Variants in TDP1 observed in about 807,000 individuals in gnomAD.
TDP1 encodes tyr-DNA phosphodiesterase 1.
TDP1 carries 64 observed loss-of-function variants against 81.5 expected under a neutral mutation model. The observed-to-expected ratio is 0.79, with a 90% CI of 0.64 to 0.97. The LOEUF (loss-of-function observed/expected upper bound fraction) is 0.97, where lower values mean the gene tolerates loss of function less well. Among genes scored for constraint, TDP1 ranks in the 50% least tolerant of loss-of-function variants. TDP1 has a pLI of 0.00. For synonymous variants in TDP1, 256 were observed against 264.3 expected, an observed-to-expected ratio of 0.97 and a Z score of 0.30; for missense variants, 723 against 743.8, an observed-to-expected ratio of 0.97 and a Z score of 0.33.
chr14:89,996,628 G>GGTCAT (rs1896671897), intron 14 of TDP1, among the ~76,000 whole-genome samples: 1 of 152,156 alleles, frequency 6.6e-6, no homozygotes, highest in African/African-American at 2.4e-5. Flanking sequence ...TAGATGAGAT[G>GGTCAT]GTCATGTCTA....
intron 16 of TDP1, among the ~76,000 whole-genome samples, chr14:90,038,408 A>T (rs1426397582): frequency 6.6e-6 from 1 of 152,222 alleles, no homozygotes; most frequent in Non-Finnish European, 1.5e-5. Context: ...CTACTTTCAG[A>T]TAGTAGCAGA....
rs34629671 is a variant in TDP1 at position 90,034,813 on chromosome 14, C to G, written c.1753+1599C>G. Among the ~76,000 whole-genome samples the G allele has an allele frequency of 6.0e-3, 918 of 152,292 alleles. 4 individuals carry two copies. Among genetic ancestry groups the G allele is most frequent in the African/African-American group, 0.021 (888 of 41,556 alleles). On this transcript the variant is annotated intron_variant, in intron 16 of 16. Coordinates refer to ENST00000335725, the MANE Select transcript of TDP1 (RefSeq NM_018319.4). ...ATCACTCATTGATACCCCAAAATCT[C>G]CAGTTCTTACCAAGCTTGGCCTTGC...
At chr14:89,972,327 C>T (rs758304843) in intron 6 of TDP1, among the ~76,000 whole-genome samples, 2 of 152,058 alleles carry the variant, frequency 1.3e-5, no homozygotes, top group Non-Finnish European at 2.9e-5. Context: ...ATCAAACAAC[C>T]AGATATCATG....
At chr14:90,024,034 C>T (rs1408141053) in intron 15 of TDP1, among the ~76,000 whole-genome samples, 1 of 152,156 alleles carries the variant, frequency 6.6e-6, no homozygotes, top group East Asian at 1.9e-4. Context: ...ACTGCCATGG[C>T]CCCCACTTCA....
chr14:90,011,017 C>T (rs1424172417), intron 14 of TDP1, among the ~76,000 whole-genome samples: 1 of 152,110 alleles, frequency 6.6e-6, no homozygotes, highest in Admixed American at 6.5e-5. Context: ...GTAATTCAGT[C>T]ATGGGGGTGG....
At chr14:89,972,264 A>G (rs1332789877) in intron 6 of TDP1, among the ~76,000 whole-genome samples, 1 of 149,226 alleles carries the variant, frequency 6.7e-6, no homozygotes, top group African/African-American at 2.5e-5. Flanking sequence ...AAGCAGGCAC[A>G]TCTTACTTGG....
At chr14:90,014,981 T>G (rs1191886516) in intron 14 of TDP1, among the ~76,000 whole-genome samples, 3 of 152,148 alleles carry the variant, frequency 2.0e-5, no homozygotes, top group African/African-American at 7.2e-5. Context: ...GTGGTAAACC[T>G]CCAGTGAAAC....
chr14:90,019,857 A>G (rs1302162702), intron 15 of TDP1, among the ~76,000 whole-genome samples: 1 of 152,120 alleles, frequency 6.6e-6, no homozygotes, highest in African/African-American at 2.4e-5. Flanking sequence ...TGTAGGCTGT[A>G]TAGAGAGAGG....
intron 16 of TDP1, among the ~76,000 whole-genome samples, chr14:90,040,932 C>G (rs1312473598): frequency 6.6e-6 from 1 of 152,174 alleles, no homozygotes. Context: ...AGCAGAGCTA[C>G]AGGGAATTTG....
chr14:89,973,734 G>A (rs1401824385), intron 6 of TDP1, among the ~76,000 whole-genome samples: 1 of 151,996 alleles, frequency 6.6e-6, no homozygotes, highest in African/African-American at 2.4e-5. Flanking sequence ...TAGTCTGCTT[G>A]GGTGCTATAA....
chr14:90,039,927 G>A (rs1392869551), intron 16 of TDP1, among the ~76,000 whole-genome samples: 1 of 152,082 alleles, frequency 6.6e-6, no homozygotes. Context: ...ACTTGGTCAA[G>A]GCCCCACTGG....
chr14:89,991,750 T>G, intron 12 of TDP1, 167 bp from the exon 13 acceptor site: 1 of 772,618 alleles, frequency 1.3e-6, no homozygotes, highest in Non-Finnish European at 1.6e-6. Flanking sequence ...AGAACATATC[T>G]AGTGCAACTA....
At chr14:89,998,372 T>TTATATATATATATATATATATA (rs58264054) in intron 14 of TDP1, among the ~76,000 whole-genome samples, 3 of 53,146 alleles carry the variant, frequency 5.6e-5, no homozygotes, top group East Asian at 3.8e-4. Context: ...TCCAAGCACA[T>TTATATATATATATATATATATA]TATATATATA....
intron 14 of TDP1, among the ~76,000 whole-genome samples, chr14:90,002,987 G>T (rs1484824863): frequency 6.6e-6 from 1 of 152,054 alleles, no homozygotes; most frequent in Non-Finnish European, 1.5e-5. Flanking sequence ...ACCCAGGCTG[G>T]AGTGCAGTGG....
intron 15 of TDP1, among the ~76,000 whole-genome samples, chr14:90,031,926 T>C (rs1415017813): frequency 6.6e-6 from 1 of 152,232 alleles, no homozygotes; most frequent in Non-Finnish European, 1.5e-5. Context: ...TGGCACTCCT[T>C]TGCTTTTCTT....
intron 15 of TDP1, among the ~76,000 whole-genome samples, chr14:90,025,199 G>C (rs1205483378): frequency 6.6e-6 from 1 of 152,180 alleles, no homozygotes; most frequent in African/African-American, 2.4e-5. Flanking sequence ...GAATCCTGCA[G>C]TTCTCTACTT....
In TDP1 at chr14:89,984,500, ATTTT is replaced by A. The variant is rs1228927946; in HGVS notation, c.885-12_885-9del. ...GTTGTGTGCCTGACTGTTAAAGGTTATTTTTTTAATTCCAGAATATGGTTGAGCC... is the reference window on the plus strand; with the variant it reads ...GTTGTGTGCCTGACTGTTAAAGGTTATTTAATTCCAGAATATGGTTGAGCC... On this transcript the variant is annotated splice_polypyrimidine_tract_variant and intron_variant, in intron 8 of 16. Transcript: ENST00000335725. 1.2e-6 allele frequency: 2 copies of A among 1,613,980 alleles called. No individual in the cohort carries two copies. The highest frequency in any genetic ancestry group is 1.7e-6 in the Non-Finnish European group (2 of 1,180,000).
intron 6 of TDP1, 67 bp downstream of exon 6, chr14:89,971,338 C>A: frequency 8.6e-7 from 1 of 1,168,826 alleles, no homozygotes; most frequent in Non-Finnish European, 1.3e-6. Flanking sequence ...GACATTTAGT[C>A]CACCCTCTCA....
chr14:90,006,810 A>G (rs1884082514), intron 14 of TDP1, among the ~76,000 whole-genome samples: 1 of 152,146 alleles, frequency 6.6e-6, no homozygotes, highest in East Asian at 1.9e-4. Flanking sequence ...AAGTGCTGGG[A>G]TTACAGGCGT....
Sources: gnomAD v4.1 joint callset for allele counts (sites outside exome capture counted in the v4.1 genomes callset) on GRCh38, gnomAD v4.1.1 for gene constraint, MANE v1.5 for transcripts, NCBI Gene and HGNC (gene_info 2026-07-23, HGNC 2026-07-21) for gene names.